Variants in MYO18A observed in about 807,000 individuals in gnomAD.
The protein encoded by MYO18A is unconventional myosin-XVIIIa.
Under a neutral mutation model 235.8 loss-of-function variants are expected in MYO18A, and 78 were observed. The ratio of observed to expected loss-of-function variants is 0.33; its 90% CI spans 0.28 to 0.40. MYO18A has a LOEUF of 0.40. Ranked by LOEUF, MYO18A falls within the 10% of genes least tolerant of loss-of-function variation. The probability of loss-of-function intolerance (pLI) is 1.00; values close to 1 mark genes in which losing one functional copy is unlikely to be tolerated. For synonymous variants in MYO18A, 977 were observed against 1,077.8 expected (o/e 0.91, Z 1.83); for missense variants, 2,215 against 2,699.3 (o/e 0.82, Z 3.98).
intron 22 of MYO18A, 75 bp downstream of exon 22, chr17:29,099,558 CT>C: frequency 6.5e-7 from 1 of 1,545,850 alleles, no homozygotes; most frequent in Non-Finnish European, 8.7e-7. Context: ...TCTTCTCCCC[CT>C]TATAGCCCCC....
rs568300552 is a variant in MYO18A at position 29,146,118 on chromosome 17, C to T, written c.999+19824G>A. Among the ~76,000 whole-genome samples, 9 of 151,930 alleles carry T rather than the reference C, an allele frequency of 5.9e-5. No individual in the cohort carries two copies. The South Asian group carries it at 1.2e-3, about 21-fold the overall frequency. ...ACTAAAAATACAAAAATTAGCCAGG[C>T]GTGGTGGCATGTGCCTGTAATCCCA... On this transcript the variant is annotated intron_variant, in intron 2 of 41. Coordinates refer to ENST00000527372, the MANE Select transcript of MYO18A (RefSeq NM_078471.4).
rs2066939993 is a variant in MYO18A, at chr17:29,111,965, GCACACATGCACACA to G, written c.2599-116_2599-103del. The G allele has an allele frequency of 1.5e-6, 2 of 1,358,432 alleles. No homozygotes were observed. The highest frequency in any genetic ancestry group is 4.6e-5 in the Admixed American group (2 of 43,910). 84.1% of individuals were successfully genotyped at this position (1,358,432 alleles called of 1,614,324 possible). ...ACACCCTACAGAATGCTACACATGT[GCACACATGCACACA>G]CGCACATGCCGCAGCTCCTGCCGCT... On this transcript the variant is annotated intron_variant, in intron 15 of 41. Coordinates refer to ENST00000527372, the MANE Select transcript of MYO18A (RefSeq NM_078471.4). This position sits in a 1 kb window ranked among gnomAD's most constrained non-coding sequence, Gnocchi z 5.1.
Position 29,103,640 on chromosome 17 carries a change from A to C in MYO18A, c.3466T>G (p.Leu1156Val). 4 of 1,613,810 alleles carry C rather than the reference A, an allele frequency of 2.5e-6. No homozygotes were observed. The highest frequency in any genetic ancestry group is 3.4e-6 in the Non-Finnish European group (4 of 1,179,868). Reference protein sequence around the residue: ...RRAVEELLECLDLEKSSCCMG... With the variant: ...RRAVEELLECVDLEKSSCCMG... ...CAGCAGCTGCTCTTCTCCAGATCCA[A>C]GCACTCCAGCAGCTCCTCCACTGCC... The change falls in exon 21 of 42, where the codon TTG (leucine) becomes GTG (valine). Residue 1156 changes from leucine to valine, a missense_variant. By Grantham distance (32) the Leu-to-Val change is conservative. Coordinates refer to ENST00000527372, the MANE Select transcript of MYO18A (RefSeq NM_078471.4).
chr17:29,173,050 A>G (rs1422657639), intron 1 of MYO18A, among the ~76,000 whole-genome samples: 1 of 152,180 alleles, frequency 6.6e-6, no homozygotes, highest in African/African-American at 2.4e-5. Flanking sequence ...CTTGGTGGAA[A>G]CACAAATTGG....
At position 29,109,720 on chromosome 17, in the gene MYO18A, A is replaced by C; in HGVS notation, c.3331+138T>G. Reference sequence around the variant, plus strand: ...GGGCTGTGGGCTGGGAGAGATGAGGAGAGACCAGAGCAGAAAGGATCGTGA... The same window carrying C: ...GGGCTGTGGGCTGGGAGAGATGAGGCGAGACCAGAGCAGAAAGGATCGTGA... On this transcript the variant is annotated intron_variant, in intron 19 of 41. Transcript: ENST00000527372. This position sits in a 1 kb window ranked among gnomAD's most constrained non-coding sequence, Gnocchi z 4.1. 8.9e-7 allele frequency: 1 copy of C among 1,121,752 alleles called. No homozygotes were observed. 69.5% of individuals were successfully genotyped at this position (1,121,752 alleles called of 1,614,324 possible).
At chr17:29,080,570 T>C (rs1191910548) in intron 41 of MYO18A, 2 of 985,724 alleles carry the variant, frequency 2.0e-6, no homozygotes, top group Non-Finnish European at 2.4e-6. Context: ...CGGGAGGTGC[T>C]GCGGCGGGAA....
chr17:29,173,751 C>T (rs767876009), intron 1 of MYO18A, among the ~76,000 whole-genome samples: 25 of 152,140 alleles, frequency 1.6e-4, no homozygotes, highest in South Asian at 1.5e-3. Context: ...TTTCAGAGGT[C>T]AAGTCAGTGG....
intron 21 of MYO18A, among the ~76,000 whole-genome samples, chr17:29,103,297 A>G (rs1262069924): frequency 6.6e-6 from 1 of 152,170 alleles, no homozygotes; most frequent in Non-Finnish European, 1.5e-5. Context: ...GACTCGGGTC[A>G]AGTTCAGGGC....
chr17:29,116,406 C>A (rs769153304), intron 11 of MYO18A, 38 bp downstream of exon 11: 4 of 1,613,600 alleles, frequency 2.5e-6, no homozygotes, highest in Non-Finnish European at 3.4e-6. Flanking sequence ...TGTCTAATCA[C>A]GGCAATTAGG....
intron 2 of MYO18A, among the ~76,000 whole-genome samples, chr17:29,160,456 C>T (rs1316023709): frequency 6.6e-6 from 1 of 152,206 alleles, no homozygotes; most frequent in Non-Finnish European, 1.5e-5. Context: ...CAGACTTCTG[C>T]GATAGCAGCT....
intron 2 of MYO18A, among the ~76,000 whole-genome samples, chr17:29,159,902 C>T (rs1420072552): frequency 6.6e-6 from 1 of 152,212 alleles, no homozygotes; most frequent in Non-Finnish European, 1.5e-5. Flanking sequence ...AGAAGCTGGC[C>T]TCTAATAAGC....
chr17:29,112,666 G>C (rs1253887777), intron 15 of MYO18A, among the ~76,000 whole-genome samples: 1 of 152,252 alleles, frequency 6.6e-6, no homozygotes, highest in Non-Finnish European at 1.5e-5. Flanking sequence ...TTTCTGTGGA[G>C]TTCCTGCATC....
chr17:29,082,467 C>T, intron 40 of MYO18A, 29 bp from the exon 41 acceptor site: 1 of 1,606,916 alleles, frequency 6.2e-7, no homozygotes, highest in Non-Finnish European at 8.5e-7. Flanking sequence ...GAAAGGTAGA[C>T]AAGGCATAGG....
Position 29,166,603 on chromosome 17 carries a change from A to G in MYO18A, c.338T>C (p.Phe113Ser). Reference sequence around the variant, plus strand: ...TGCCCGCTGCAGCACCGAGCCACGGAAGCTACCCTCCTCACCCTTGAGGTC... The same window carrying G: ...TGCCCGCTGCAGCACCGAGCCACGGGAGCTACCCTCCTCACCCTTGAGGTC... The part of the protein sequence containing the change: ...SDDLKGEEGS[F>S]RGSVLQRAAK... The change falls in exon 2 of 42, where the codon TTC becomes TCC. Residue 113 changes from phenylalanine (F) to serine (S), a missense_variant. Physicochemically the swap from Phe to Ser is radical, Grantham distance 155. Coordinates refer to ENST00000527372, the MANE Select transcript of MYO18A (RefSeq NM_078471.4). 1.2e-6 allele frequency: 2 copies of G among 1,613,844 alleles called. No individual in the cohort carries two copies. The highest frequency in any genetic ancestry group is 1.7e-6 in the Non-Finnish European group (2 of 1,179,864).
At chr17:29,115,474 C>G in intron 12 of MYO18A, 33 bp from the exon 13 acceptor site, 2 of 1,598,070 alleles carry the variant, frequency 1.3e-6, no homozygotes, top group Non-Finnish European at 1.7e-6. Context: ...CTATCTCCTT[C>G]TCCCCAGGGC....
rs2067096040 is a variant in MYO18A, at chr17:29,117,278, C to T, written c.2038+767G>A. 6.6e-6 allele frequency among the ~76,000 whole-genome samples: 1 copy of T among 152,202 alleles called. No individual in the cohort carries two copies. The highest frequency in any genetic ancestry group is 1.5e-5 in the Non-Finnish European group (1 of 68,040). ...CAGGCCAAGTCCCCGAGCGCAAGTG[C>T]CAAAGCTGCAGCCCATTCGTTACCA... is the stretch of plus-strand genomic sequence containing the variant. On this transcript the variant is annotated intron_variant, in intron 10 of 41. Coordinates refer to ENST00000527372, the MANE Select transcript of MYO18A (RefSeq NM_078471.4). This position sits in a 1 kb window ranked among gnomAD's most constrained non-coding sequence, Gnocchi z 4.6.
At chr17:29,132,927 C>G (rs2067506781) in intron 2 of MYO18A, among the ~76,000 whole-genome samples, 1 of 152,194 alleles carries the variant, frequency 6.6e-6, no homozygotes, top group South Asian at 2.1e-4. Context: ...CCCTTGCTGC[C>G]CCAGGGATCA....
intron 34 of MYO18A, 109 bp downstream of exon 34, chr17:29,092,234 G>A: frequency 2.6e-6 from 2 of 765,326 alleles, no homozygotes; most frequent in Non-Finnish European, 4.3e-6. Flanking sequence ...GAAAGGACCT[G>A]TCACAAGTCC....
At chr17:29,127,191 T>C (rs2067342394) in intron 2 of MYO18A, among the ~76,000 whole-genome samples, 1 of 152,206 alleles carries the variant, frequency 6.6e-6, no homozygotes, top group South Asian at 2.1e-4. Context: ...AACAAAATAT[T>C]TTTCTTAACT....
Sources: gnomAD v4.1 joint callset for allele counts (sites outside exome capture counted in the v4.1 genomes callset) on GRCh38, gnomAD v4.1.1 for gene constraint, Gnocchi (gnomAD v3.1) non-coding constraint, MANE v1.5 for transcripts, NCBI Gene and HGNC (gene_info 2026-07-23, HGNC 2026-07-21) for gene names.